BCAS3: variants seen among roughly 807,000 people sequenced by gnomAD.
The protein encoded by BCAS3 is BCAS3 microtubule associated cell migration factor.
In BCAS3, 53 loss-of-function variants were observed where a neutral mutation model predicts 116.1. That is an observed-to-expected ratio of 0.46 (90% CI 0.37 to 0.57). The LOEUF (loss-of-function observed/expected upper bound fraction) is 0.57, where lower values mean the gene tolerates loss of function less well. Among genes scored for constraint, BCAS3 ranks in the 20% least tolerant of loss-of-function variants. The probability of loss-of-function intolerance (pLI) is 0.00; values close to 1 mark genes in which losing one functional copy is unlikely to be tolerated. For synonymous variants in BCAS3, 391 were observed against 408.2 expected, an observed-to-expected ratio of 0.96 and a Z score of 0.51; for missense variants, 917 against 1,165.4, an observed-to-expected ratio of 0.79 and a Z score of 3.10.
rs568530864 is a variant in BCAS3, at chr17:61,286,702, C to T, written c.2426-81625C>T. 1.3e-5 allele frequency among the ~76,000 whole-genome samples: 2 copies of T among 152,312 alleles called. No homozygotes were observed. The highest frequency in any genetic ancestry group is 6.5e-5 in the Admixed American group (1 of 15,300). On this transcript the variant is annotated intron_variant, in intron 22 of 23. Coordinates refer to ENST00000407086, the MANE Select transcript of BCAS3 (RefSeq NM_017679.5). The surrounding 1 kb of genome is among the most constrained non-coding windows in gnomAD (Gnocchi z 4.8). Reference sequence around the variant, plus strand: ...CAGGGCAGCCAGAGGAGCATGTCACCTTCAGAGTAGGTTGGACTGTAAATA... The same window carrying T: ...CAGGGCAGCCAGAGGAGCATGTCACTTTCAGAGTAGGTTGGACTGTAAATA...
intron 22 of BCAS3, among the ~76,000 whole-genome samples, chr17:61,319,830 C>T (rs1465697292): frequency 2.0e-5 from 3 of 151,598 alleles, no homozygotes; most frequent in Non-Finnish European, 4.4e-5. Context: ...TGCATAAACT[C>T]ACAATTTTCA....
At chr17:61,273,910 A>G (rs1008455326) in intron 22 of BCAS3, among the ~76,000 whole-genome samples, 1 of 144,616 alleles carries the variant, frequency 6.9e-6, no homozygotes, top group Non-Finnish European at 1.5e-5. Context: ...TCCTATCTTC[A>G]TTCTTTTTTT....
Position 60,964,263 on chromosome 17 carries a change from T to C in BCAS3, c.1221+16911T>C, listed in dbSNP as rs1302410314. On this transcript the variant is annotated intron_variant, in intron 14 of 23. Coordinates refer to ENST00000407086, the MANE Select transcript of BCAS3 (RefSeq NM_017679.5). This position sits in a 1 kb window ranked among gnomAD's most constrained non-coding sequence, Gnocchi z 4.6. ...TTATATCATAAAGGATGTTGAATTT[T>C]ATAAAATACTTTTTCAGTATCTATT... is the stretch of plus-strand genomic sequence containing the variant. Among the ~76,000 whole-genome samples, 2 of 152,224 alleles carry C rather than the reference T, an allele frequency of 1.3e-5. No homozygotes were observed. Among genetic ancestry groups the C allele is most frequent in the Non-Finnish European group, 2.9e-5 (2 of 68,034 alleles).
At chr17:60,820,566 T>G (rs1268892990) in intron 7 of BCAS3, among the ~76,000 whole-genome samples, 2 of 152,186 alleles carry the variant, frequency 1.3e-5, no homozygotes, top group East Asian at 3.8e-4. Context: ...AGAAATAGGC[T>G]TGGTGAAAAT....
At position 60,715,584 on chromosome 17, in the gene BCAS3, G is replaced by A. The variant is rs1305658444; in HGVS notation, c.321+6259G>A. Among the ~76,000 whole-genome samples the A allele has an allele frequency of 3.3e-5, 5 of 152,056 alleles. No homozygotes were observed. In the East Asian group the frequency reaches 9.7e-4, roughly 29 times the overall value. On this transcript the variant is annotated intron_variant, in intron 5 of 23. Coordinates refer to ENST00000407086, the MANE Select transcript of BCAS3 (RefSeq NM_017679.5). ...GCTCACTGCAACCTCCGCCTCCTGGGTTCAAGCAATTCTCCTGCCTCAGCC... is the reference window on the plus strand; with the variant it reads ...GCTCACTGCAACCTCCGCCTCCTGGATTCAAGCAATTCTCCTGCCTCAGCC...
intron 5 of BCAS3, among the ~76,000 whole-genome samples, chr17:60,721,563 G>A (rs2144096133): frequency 6.6e-6 from 1 of 152,248 alleles, no homozygotes; most frequent in African/African-American, 2.4e-5. Context: ...AGACATTACT[G>A]TGAGTTTGAA....
At position 61,145,479 on chromosome 17, in the gene BCAS3, G is replaced by GA. The variant is rs2077148981; in HGVS notation, c.2425+60917dup. Among the ~76,000 whole-genome samples, 2 of 152,148 alleles carry GA rather than the reference G, an allele frequency of 1.3e-5. No individual in the cohort carries two copies. Among genetic ancestry groups the GA allele is most frequent in the Non-Finnish European group, 2.9e-5 (2 of 68,022 alleles). ...GACCATTGGGAGAATGTTCTGAGGA[G>GA]AAGAGAGGCTCTCTTCACACTCTAC... On this transcript the variant is annotated intron_variant, in intron 22 of 23. Transcript: ENST00000407086. This position sits in a 1 kb window ranked among gnomAD's most constrained non-coding sequence, Gnocchi z 5.0.
intron 10 of BCAS3, among the ~76,000 whole-genome samples, chr17:60,897,915 T>A (rs1275329104): frequency 2.0e-5 from 3 of 151,622 alleles, no homozygotes; most frequent in South Asian, 2.1e-4. Flanking sequence ...TTTATTTTTT[T>A]TTTTGGTAGA....
At chr17:61,079,598 T>A (rs1429909998) in intron 21 of BCAS3, among the ~76,000 whole-genome samples, 1 of 152,018 alleles carries the variant, frequency 6.6e-6, no homozygotes, top group Admixed American at 6.6e-5. Context: ...TTTATTTATT[T>A]TTTATTTTAT....
At chr17:60,900,180 G>A (rs1206907442) in intron 10 of BCAS3, 1 of 137,512 alleles carries the variant, frequency 7.3e-6, no homozygotes, top group Non-Finnish European at 1.5e-5. Flanking sequence ...GTGAGACGCT[G>A]TCTCTTAAAA....
chr17:60,692,957 C>T (rs1187760742), intron 4 of BCAS3, among the ~76,000 whole-genome samples: 1 of 151,708 alleles, frequency 6.6e-6, no homozygotes, highest in Admixed American at 6.6e-5. Context: ...GTTATCTGAC[C>T]TTAGGAGAAA....
chr17:61,077,116 C>G lies in BCAS3; in HGVS notation c.2131-1217C>G, dbSNP rs1450300103. Among the ~76,000 whole-genome samples, 3 of 149,452 alleles carry G rather than the reference C, an allele frequency of 2.0e-5. No homozygotes were observed. The highest frequency in any genetic ancestry group is 2.1e-4 in the South Asian group (1 of 4,780). Reference sequence around the variant, plus strand: ...TTAAACTAGTTTGTATATTTAGTCTCTCATTCGAGTTGATTATTTGTAAAA... The same window carrying G: ...TTAAACTAGTTTGTATATTTAGTCTGTCATTCGAGTTGATTATTTGTAAAA... On this transcript the variant is annotated intron_variant, in intron 20 of 23. Transcript: ENST00000407086. The surrounding 1 kb of genome is among the most constrained non-coding windows in gnomAD (Gnocchi z 4.3).
chr17:61,125,548 T>A (rs2076006357), intron 22 of BCAS3, among the ~76,000 whole-genome samples: 1 of 152,208 alleles, frequency 6.6e-6, no homozygotes, highest in South Asian at 2.1e-4. Context: ...AAAATTTTTA[T>A]CAATATAATT....
chr17:61,013,536 T>C lies in BCAS3; in HGVS notation c.1487-2215T>C, dbSNP rs1431007148. ...CTTCCACAAATATAATATTTTAATG[T>C]GATTTCCCTCTTCATATTTTCTACA... On this transcript the variant is annotated intron_variant, in intron 15 of 23. Transcript: ENST00000407086. This position sits in a 1 kb window ranked among gnomAD's most constrained non-coding sequence, Gnocchi z 4.4. Among the ~76,000 whole-genome samples, 1 of 152,122 alleles carries C rather than the reference T, an allele frequency of 6.6e-6. No homozygotes were observed. The highest frequency in any genetic ancestry group is 2.4e-5 in the African/African-American group (1 of 41,440).
chr17:61,103,351 T>C (rs906365820), intron 22 of BCAS3, among the ~76,000 whole-genome samples: 4 of 152,154 alleles, frequency 2.6e-5, no homozygotes, highest in African/African-American at 7.2e-5. Context: ...AAAGTATTCA[T>C]CACTGTGGCT....
chr17:61,391,970 C>T lies in BCAS3; in HGVS notation c.2594-7C>T, dbSNP rs777991886. The T allele has an allele frequency of 1.9e-6, 3 of 1,613,132 alleles. No individual in the cohort carries two copies. Among genetic ancestry groups the T allele is most frequent in the Non-Finnish European group, 2.5e-6 (3 of 1,179,760 alleles). ...AACCAGGCCTGGCCCTCTCCTGTGT[C>T]TTGCAGAACTTCAGCGAGAGGGAAG... is the stretch of plus-strand genomic sequence containing the variant. On this transcript the variant is annotated splice_polypyrimidine_tract_variant and splice_region_variant and intron_variant, in intron 23 of 23. Coordinates refer to ENST00000407086, the MANE Select transcript of BCAS3 (RefSeq NM_017679.5). The surrounding 1 kb of genome is among the most constrained non-coding windows in gnomAD (Gnocchi z 7.7).
chr17:60,682,813 C>T (rs912266352), intron 2 of BCAS3, among the ~76,000 whole-genome samples: 8 of 152,174 alleles, frequency 5.3e-5, no homozygotes, highest in African/African-American at 9.7e-5. Context: ...TGAGCTACCA[C>T]GCCTGGCCTA....
At chr17:61,025,078 G>A (rs2066141128) in intron 16 of BCAS3, among the ~76,000 whole-genome samples, 1 of 152,016 alleles carries the variant, frequency 6.6e-6, no homozygotes, top group African/African-American at 2.4e-5. Context: ...TCATTTTAGA[G>A]GTATTTGTAG....
chr17:60,921,995 T>C (rs1173460022), intron 12 of BCAS3, among the ~76,000 whole-genome samples: 3 of 152,238 alleles, frequency 2.0e-5, no homozygotes, highest in South Asian at 2.1e-4. Flanking sequence ...TCTTTTTTTT[T>C]CTCAGTAATA....
Sources: gnomAD v4.1 joint callset for allele counts (sites outside exome capture counted in the v4.1 genomes callset) on GRCh38, gnomAD v4.1.1 for gene constraint, Gnocchi (gnomAD v3.1) non-coding constraint, MANE v1.5 for transcripts, NCBI Gene and HGNC (gene_info 2026-07-23, HGNC 2026-07-21) for gene names.